The following OTUD7A variants were observed in gnomAD, a reference collection of about 807,000 sequenced individuals.
OTUD7A encodes OTU deubiquitinase 7A.
In OTUD7A, 12 loss-of-function variants were observed where a neutral mutation model predicts 65.7. The observed-to-expected ratio is 0.18, with a 90% confidence interval of 0.12 to 0.30. The LOEUF (loss-of-function observed/expected upper bound fraction) is 0.30. OTUD7A is among the 10% of genes least tolerant of loss of function. The pLI is 1.00. For missense variants in OTUD7A, 1,148 were observed against 1,304.8 expected, an observed-to-expected ratio of 0.88 and a Z score of 1.85; for synonymous variants, 641 against 586.3, an observed-to-expected ratio of 1.09 and a Z score of -1.35.
chr15:31,596,012 TA>T (rs1889893451), intron 3 of OTUD7A, among the ~76,000 whole-genome samples: 1 of 152,190 alleles, frequency 6.6e-6, no homozygotes, highest in Non-Finnish European at 1.5e-5. Context: ...CTTTTGCTTC[TA>T]AAAGCCCTTG....
intron 1 of OTUD7A, among the ~76,000 whole-genome samples, chr15:31,696,087 A>C (rs1220806478): frequency 6.6e-6 from 1 of 150,746 alleles, no homozygotes. Flanking sequence ...TCCCCTGTGC[A>C]GGGGGTTGGG....
At chr15:31,857,087 T>C (rs1031841036) in intron 1 of OTUD7A, among the ~76,000 whole-genome samples, 1 of 152,184 alleles carries the variant, frequency 6.6e-6, no homozygotes, top group African/African-American at 2.4e-5. Flanking sequence ...AATAGAGGCT[T>C]AAAGAAGTGA....
At chr15:31,532,077 T>C (rs1366942722) in intron 5 of OTUD7A, among the ~76,000 whole-genome samples, 1 of 152,126 alleles carries the variant, frequency 6.6e-6, no homozygotes, top group African/African-American at 2.4e-5. Flanking sequence ...AAGATTTAAG[T>C]AAGACCCAGA....
At chr15:31,771,668 C>A (rs1276816357) in intron 1 of OTUD7A, among the ~76,000 whole-genome samples, 1 of 152,190 alleles carries the variant, frequency 6.6e-6, no homozygotes, top group Non-Finnish European at 1.5e-5. Context: ...TCCACCTCCA[C>A]CCTGACCCCA....
chr15:31,579,205 G>C (rs1889296724), intron 3 of OTUD7A, among the ~76,000 whole-genome samples: 1 of 152,334 alleles, frequency 6.6e-6, no homozygotes, highest in East Asian at 1.9e-4. Flanking sequence ...AAGTTTGTAA[G>C]GGGATTGGGC....
At chr15:31,717,413 C>T (rs1893619620) in intron 1 of OTUD7A, among the ~76,000 whole-genome samples, 1 of 152,088 alleles carries the variant, frequency 6.6e-6, no homozygotes, top group Admixed American at 6.6e-5. Context: ...CCAACAGGCC[C>T]CAGTGTGTGA....
intron 5 of OTUD7A, 155 bp downstream of exon 5, chr15:31,558,814 G>A (rs902136911): frequency 3.9e-5 from 31 of 787,918 alleles, no homozygotes; most frequent in Non-Finnish European, 1.2e-5. Flanking sequence ...CTGTCGGCCC[G>A]TAGAGCAGGA....
intron 9 of OTUD7A, among the ~76,000 whole-genome samples, chr15:31,502,219 CTA>C (rs2041479470): frequency 1.3e-5 from 2 of 152,296 alleles, no homozygotes; most frequent in South Asian, 4.1e-4. Context: ...TATATTTGCT[CTA>C]TGTTTTGAGA....
chr15:31,544,024 TACAG>T (rs1329694399), intron 5 of OTUD7A, among the ~76,000 whole-genome samples: 9 of 151,832 alleles, frequency 5.9e-5, no homozygotes, highest in Non-Finnish European at 1.0e-4. Context: ...TTTCAAATCA[TACAG>T]ACAATGCTTT....
chr15:31,532,933 CAAAAAAAAAA>C (rs35993038), intron 5 of OTUD7A, among the ~76,000 whole-genome samples: 1 of 56,476 alleles, frequency 1.8e-5, no homozygotes, highest in Non-Finnish European at 4.6e-5. Context: ...GACTCCGTAT[CAAAAAAAAAA>C]AAAAAAAAAA....
Position 31,712,995 on chromosome 15 carries a change from A to G in OTUD7A, c.-99-55918T>C, listed in dbSNP as rs369712995. The stretch of plus-strand genomic sequence containing the variant: ...CCTGGCATCTCATTTTAGATGTGTC[A>G]TCTGTTACACTTCCATATTGCTGTC... On this transcript the variant is annotated intron_variant, in intron 1 of 12. Transcript: ENST00000307050. Among the ~76,000 whole-genome samples the G allele has an allele frequency of 1.4e-3, 216 of 152,280 alleles. 1 individual carries two copies. Among genetic ancestry groups the G allele is most frequent in the East Asian group, 6.2e-3 (32 of 5,182 alleles).
intron 1 of OTUD7A, among the ~76,000 whole-genome samples, chr15:31,835,577 A>T (rs182788911): frequency 9.9e-5 from 15 of 152,262 alleles, no homozygotes; most frequent in Admixed American, 3.3e-4. Context: ...TCCCTTTCAA[A>T]ATTATATATT....
intron 3 of OTUD7A, among the ~76,000 whole-genome samples, chr15:31,632,693 T>C (rs865853213): frequency 2.0e-5 from 3 of 152,224 alleles, no homozygotes; most frequent in Middle Eastern, 3.2e-3. Flanking sequence ...ACTGCTGTCT[T>C]TTTGTTTGTC....
At chr15:31,780,700 A>T (rs1056136029) in intron 1 of OTUD7A, among the ~76,000 whole-genome samples, 2 of 152,220 alleles carry the variant, frequency 1.3e-5, no homozygotes, top group African/African-American at 4.8e-5. Context: ...AGCAAGAAAG[A>T]GCTTCTCAAA....
chr15:31,759,523 T>C (rs925296491), intron 1 of OTUD7A, among the ~76,000 whole-genome samples: 2 of 152,250 alleles, frequency 1.3e-5, no homozygotes, highest in African/African-American at 2.4e-5. Context: ...GCTTACCACA[T>C]TGGCATGCAT....
chr15:31,812,389 T>C (rs1896442740), intron 1 of OTUD7A, among the ~76,000 whole-genome samples: 1 of 152,182 alleles, frequency 6.6e-6, no homozygotes, highest in Non-Finnish European at 1.5e-5. Flanking sequence ...AATTTGAATG[T>C]GAAAAGGACA....
chr15:31,529,754 A>G (rs902831479), intron 6 of OTUD7A, among the ~76,000 whole-genome samples: 1 of 152,152 alleles, frequency 6.6e-6, no homozygotes, highest in Non-Finnish European at 1.5e-5. Flanking sequence ...GTCCAAAGAG[A>G]GAGAGGTCTG....
chr15:31,813,598 G>T (rs1274510503), intron 1 of OTUD7A, among the ~76,000 whole-genome samples: 1 of 152,192 alleles, frequency 6.6e-6, no homozygotes, highest in Non-Finnish European at 1.5e-5. Flanking sequence ...CAATTTCTAT[G>T]TTGCAGGCCT....
chr15:31,719,111 G>C (rs1448852832), intron 1 of OTUD7A, among the ~76,000 whole-genome samples: 1 of 152,128 alleles, frequency 6.6e-6, no homozygotes, highest in African/African-American at 2.4e-5. Context: ...TAGAGACAGA[G>C]TCTTATTCTG....
Sources: gnomAD v4.1 joint callset for allele counts (sites outside exome capture counted in the v4.1 genomes callset) on GRCh38, gnomAD v4.1.1 for gene constraint, MANE v1.5 for transcripts, NCBI Gene and HGNC (gene_info 2026-07-23, HGNC 2026-07-21) for gene names.